Variants in ITGA8 observed in about 807,000 individuals in gnomAD.
ITGA8 encodes integrin subunit alpha 8.
A neutral mutation model predicts 142.3 loss-of-function variants in ITGA8; 91 were observed. The observed-to-expected ratio is 0.64, with a 90% CI of 0.54 to 0.76. ITGA8 has a LOEUF of 0.76. Ranked by LOEUF, ITGA8 falls within the 30% of genes least tolerant of loss-of-function variation. The pLI, the probability that ITGA8 is intolerant of heterozygous loss-of-function variation, is 0.00. For synonymous variants in ITGA8, 505 were observed against 485.2 expected (o/e 1.04, Z -0.54); for missense variants, 1,406 against 1,327.7 (o/e 1.06, Z -0.92).
At chr10:15,719,220 G>A (rs950954892) in intron 1 of ITGA8, among the ~76,000 whole-genome samples, 6 of 152,216 alleles carry the variant, frequency 3.9e-5, no homozygotes, top group South Asian at 4.1e-4. Context: ...AGACGCAATG[G>A]TTACAGACTC....
At chr10:15,588,667 C>T (rs540718844) in intron 22 of ITGA8, among the ~76,000 whole-genome samples, 16 of 152,178 alleles carry the variant, frequency 1.1e-4, no homozygotes, top group Admixed American at 5.2e-4. Flanking sequence ...ATTAGAATTA[C>T]GAAAAAACAA....
chr10:15,694,676 G>A (rs1188220763), intron 2 of ITGA8, among the ~76,000 whole-genome samples: 5 of 12,320 alleles, frequency 4.1e-4, no homozygotes, highest in Non-Finnish European at 1.2e-3. Context: ...TATATTTGTC[G>A]ACATATATAT....
rs543859458 is a variant in ITGA8, at chr10:15,677,125, C to A, written c.676+467G>T. Among the ~76,000 whole-genome samples, 4 of 152,282 alleles carry A rather than the reference C, an allele frequency of 2.6e-5. No homozygotes were observed. The South Asian group carries it at 8.3e-4, about 32-fold the overall frequency. ...GAAGTAGAGAGTGGAAAAGTGGTTA[C>A]TAGAGGCAAGGATGAATAGAGATTC... On this transcript the variant is annotated intron_variant, in intron 6 of 29. Transcript: ENST00000378076.
In ITGA8 at chr10:15,558,101, G is replaced by C; in HGVS notation, c.2739C>G (p.Phe913Leu). 6.2e-7 allele frequency: 1 copy of C among 1,614,124 alleles called. No homozygotes were observed. Among genetic ancestry groups the C allele is most frequent in the South Asian group, 1.1e-5 (1 of 91,090 alleles). The change falls in exon 26 of 30, where the codon TTC becomes TTG. Residue 913 changes from phenylalanine (F) to leucine (L), a missense_variant. Transcript: ENST00000378076. ...VRKRDVHVVE[F>L]HRQSPAKILN... ...GTATTTTTGCAGGGCTCTGTCTGTG[G>C]AATTCGACCACATGTACATCCCTCT...
intron 26 of ITGA8, among the ~76,000 whole-genome samples, chr10:15,556,300 A>T (rs553425944): frequency 6.6e-6 from 1 of 152,084 alleles, no homozygotes; most frequent in South Asian, 2.1e-4. Context: ...AAGCGCCGGG[A>T]TTATAGGCTG....
chr10:15,555,596 T>C (rs1588641664), intron 26 of ITGA8, among the ~76,000 whole-genome samples: 1 of 152,128 alleles, frequency 6.6e-6, no homozygotes, highest in South Asian at 2.1e-4. Flanking sequence ...GTAGGTTAGG[T>C]GTCTAATGGC....
intron 21 of ITGA8, among the ~76,000 whole-genome samples, chr10:15,594,863 A>G (rs773073466): frequency 5.9e-4 from 90 of 152,162 alleles, no homozygotes; most frequent in Non-Finnish European, 9.1e-4. Context: ...ACCTTATTGT[A>G]TTGCGATAGA....
chr10:15,621,279 CT>C (rs1833486314), intron 13 of ITGA8, among the ~76,000 whole-genome samples: 1 of 151,366 alleles, frequency 6.6e-6, no homozygotes, highest in Non-Finnish European at 1.5e-5. Context: ...CTCACGTTGC[CT>C]GAGAAACATA....
chr10:15,574,701 A>ATG (rs1564358209), intron 24 of ITGA8, among the ~76,000 whole-genome samples: 2 of 120,694 alleles, frequency 1.7e-5, no homozygotes, highest in African/African-American at 2.9e-5. Flanking sequence ...TTTTATATAT[A>ATG]TGTATATATA....
intron 13 of ITGA8, among the ~76,000 whole-genome samples, chr10:15,620,352 G>A (rs994970420): frequency 5.0e-4 from 76 of 152,026 alleles, no homozygotes; most frequent in African/African-American, 1.6e-3. Flanking sequence ...ATTCTAGAAA[G>A]TAATATAAAG....
chr10:15,586,124 T>C (rs1032965062), intron 23 of ITGA8, among the ~76,000 whole-genome samples: 6 of 143,610 alleles, frequency 4.2e-5, no homozygotes, highest in African/African-American at 1.6e-4. Context: ...AATGGCACGA[T>C]CTTGGCTCAC....
At position 15,604,231 on chromosome 10, in the gene ITGA8, C is replaced by T; in HGVS notation, c.2095G>A (p.Val699Ile). Residue 699 changes from valine to isoleucine, a missense_variant, in exon 20 of 30, where the codon GTT (valine) becomes ATT (isoleucine). Transcript: ENST00000378076. The stretch of plus-strand genomic sequence containing the variant: ...ACCTTGTTGTTGCGTTCGATTCCAA[C>T]ATAATCTGCCTCTTCTGGTATCATT... ...FVMIPEEADYVGIERNNKGFR... is the reference protein window; with the variant it reads ...FVMIPEEADYIGIERNNKGFR... 3.7e-6 allele frequency: 6 copies of T among 1,611,630 alleles called. No individual in the cohort carries two copies. Among genetic ancestry groups the T allele is most frequent in the Non-Finnish European group, 5.1e-6 (6 of 1,179,250 alleles).
chr10:15,553,522 C>T (rs915733344), intron 26 of ITGA8, among the ~76,000 whole-genome samples: 1 of 152,100 alleles, frequency 6.6e-6, no homozygotes, highest in Admixed American at 6.5e-5. Flanking sequence ...TTAAAGTGTG[C>T]AGTTTGGTGG....
chr10:15,698,635 T>A (rs1835101699), intron 2 of ITGA8, among the ~76,000 whole-genome samples: 1 of 152,184 alleles, frequency 6.6e-6, no homozygotes, highest in Non-Finnish European at 1.5e-5. Flanking sequence ...CACATCGTGG[T>A]TTTGATTTGC....
intron 2 of ITGA8, among the ~76,000 whole-genome samples, chr10:15,693,956 G>A (rs1047474733): frequency 6.6e-6 from 1 of 151,524 alleles, no homozygotes; most frequent in Non-Finnish European, 1.5e-5. Flanking sequence ...TCACAGCTTG[G>A]TATCACCAGC....
chr10:15,538,514 A>T (rs902516835), intron 27 of ITGA8, among the ~76,000 whole-genome samples: 1 of 55,252 alleles, frequency 1.8e-5, no homozygotes, highest in Non-Finnish European at 7.2e-5. Flanking sequence ...TCCGTCTCGA[A>T]AAAAAAAAAA....
At chr10:15,632,131 C>T (rs1253905622) in intron 13 of ITGA8, among the ~76,000 whole-genome samples, 1 of 151,802 alleles carries the variant, frequency 6.6e-6, no homozygotes, top group Non-Finnish European at 1.5e-5. Flanking sequence ...TTGTGAAAGG[C>T]TTTATCTGAG....
intron 25 of ITGA8, among the ~76,000 whole-genome samples, chr10:15,570,538 A>G (rs1205679875): frequency 2.0e-5 from 3 of 150,634 alleles, no homozygotes; most frequent in Non-Finnish European, 4.4e-5. Flanking sequence ...TGAACACAGG[A>G]AGTGGAGGTT....
intron 28 of ITGA8, among the ~76,000 whole-genome samples, chr10:15,520,589 G>A (rs928933133): frequency 5.9e-5 from 9 of 152,214 alleles, no homozygotes; most frequent in African/African-American, 2.2e-4. Context: ...TATTGCTCCT[G>A]TGTTGGAGGC....
Sources: gnomAD v4.1 joint callset for allele counts (sites outside exome capture counted in the v4.1 genomes callset) on GRCh38, gnomAD v4.1.1 for gene constraint, MANE v1.5 for transcripts, NCBI Gene and HGNC (gene_info 2026-07-23, HGNC 2026-07-21) for gene names.